Variants in TMCO1 observed in about 807,000 individuals in gnomAD.
The protein encoded by TMCO1 is calcium load-activated calcium channel.
In TMCO1, 29 loss-of-function variants were observed where a neutral mutation model predicts 29.3. The observed-to-expected ratio is 0.99, with a 90% CI of 0.74 to 1.35. The LOEUF (loss-of-function observed/expected upper bound fraction) is 1.35. TMCO1 is among the 40% of genes most tolerant of loss of function. TMCO1 has a pLI of 0.00. For missense variants in TMCO1, 173 were observed against 225.5 expected (o/e 0.77, Z 1.49); for synonymous variants, 80 against 77.1 (o/e 1.04, Z -0.20).
At chr1:165,748,880 TG>T (rs2101803755) in intron 5 of TMCO1, among the ~76,000 whole-genome samples, 1 of 152,338 alleles carries the variant, frequency 6.6e-6, no homozygotes, top group South Asian at 2.1e-4. Context: ...TGGCAACCAT[TG>T]ATCTTTTTAC....
At chr1:165,759,810 A>T (rs1170153580) in intron 2 of TMCO1, among the ~76,000 whole-genome samples, 1 of 152,188 alleles carries the variant, frequency 6.6e-6, no homozygotes, top group Non-Finnish European at 1.5e-5. Context: ...TTAATCAAAT[A>T]CCCATAAAGA....
chr1:165,745,263 T>G (rs1571219594), intron 5 of TMCO1, among the ~76,000 whole-genome samples: 1 of 149,446 alleles, frequency 6.7e-6, no homozygotes. Context: ...CTTCAAGTGA[T>G]CCTCCTGCCT....
intron 3 of TMCO1, 32 bp downstream of exon 3, chr1:165,759,493 C>A: frequency 6.4e-7 from 1 of 1,554,198 alleles, no homozygotes. Context: ...TAAGAAAACC[C>A]AAATTTCATT....
intron 6 of TMCO1, among the ~76,000 whole-genome samples, chr1:165,740,637 A>G (rs1368436389): frequency 1.3e-5 from 2 of 152,224 alleles, no homozygotes; most frequent in African/African-American, 4.8e-5. Flanking sequence ...TGTTGTCATT[A>G]CCTTAGCTTT....
chr1:165,753,119 G>A (rs1469376981), intron 4 of TMCO1, among the ~76,000 whole-genome samples: 1 of 152,114 alleles, frequency 6.6e-6, no homozygotes, highest in Non-Finnish European at 1.5e-5. Flanking sequence ...GAAATTGGTA[G>A]TGAAATCAGT....
At chr1:165,739,011 A>C (rs898228792) in intron 6 of TMCO1, among the ~76,000 whole-genome samples, 2 of 152,168 alleles carry the variant, frequency 1.3e-5, no homozygotes, top group Admixed American at 1.3e-4. Flanking sequence ...CTCACTAGAC[A>C]CTGAATTTGC....
At chr1:165,725,265 T>G, downstream of TMCO1, 1 of 453,904 alleles carries the variant, frequency 2.2e-6, no homozygotes, top group Non-Finnish European at 4.4e-6. Flanking sequence ...TGTGGCAAAA[T>G]GCTTTTGTTT....
At chr1:165,748,449 A>C (rs1465067227) in intron 5 of TMCO1, among the ~76,000 whole-genome samples, 4 of 152,174 alleles carry the variant, frequency 2.6e-5, no homozygotes, top group African/African-American at 9.7e-5. Context: ...GGGATGAATG[A>C]ATGACTACAC....
intron 6 of TMCO1, among the ~76,000 whole-genome samples, chr1:165,742,268 C>T (rs1360765948): frequency 2.0e-5 from 3 of 147,336 alleles, no homozygotes; most frequent in African/African-American, 7.5e-5. Flanking sequence ...GGCTCCCCCC[C>T]TTTTCTTTTT....
intron 6 of TMCO1, among the ~76,000 whole-genome samples, chr1:165,742,713 T>A (rs1359295333): frequency 6.6e-6 from 1 of 152,242 alleles, no homozygotes; most frequent in Non-Finnish European, 1.5e-5. Context: ...TCACTACGAA[T>A]GTCAAATCAC....
At chr1:165,761,563 A>G (rs548256104) in intron 2 of TMCO1, among the ~76,000 whole-genome samples, 9 of 152,092 alleles carry the variant, frequency 5.9e-5, no homozygotes, top group African/African-American at 2.2e-4. Context: ...CATCATGTAC[A>G]TGGAAAGAGA....
chr1:165,738,932 T>C lies in TMCO1; in HGVS notation c.468+4235A>G, dbSNP rs1296293687. 5.3e-5 allele frequency among the ~76,000 whole-genome samples: 8 copies of C among 152,332 alleles called. No homozygotes were observed. In the East Asian group the frequency reaches 5.8e-4, roughly 11 times the overall value. ...TAGCTATGCAATACTATAGTCCTTA[T>C]AGACTTTTTTTCTCATGCGTGTCAT... On this transcript the variant is annotated intron_variant, in intron 6 of 6. Coordinates refer to ENST00000367881, the MANE Select transcript of TMCO1 (RefSeq NM_019026.6).
chr1:165,758,353 C>G (rs1383120395), intron 3 of TMCO1, among the ~76,000 whole-genome samples: 1 of 152,040 alleles, frequency 6.6e-6, no homozygotes, highest in East Asian at 1.9e-4. Context: ...GTCAGGAGTT[C>G]GAGACCAGCC....
intron 5 of TMCO1, among the ~76,000 whole-genome samples, chr1:165,745,400 G>A (rs1651759169): frequency 6.7e-6 from 1 of 148,868 alleles, no homozygotes; most frequent in Admixed American, 6.7e-5. Context: ...ACTTTGAGAG[G>A]CCGAGGCAGG....
At chr1:165,751,823 C>G (rs140378105) in intron 5 of TMCO1, among the ~76,000 whole-genome samples, 20 of 151,766 alleles carry the variant, frequency 1.3e-4, no homozygotes, top group African/African-American at 4.6e-4. Flanking sequence ...ACGGGGCATA[C>G]AGCCTACAAC....
chr1:165,751,435 G>A (rs1428026743), intron 5 of TMCO1, among the ~76,000 whole-genome samples: 1 of 152,066 alleles, frequency 6.6e-6, no homozygotes, highest in Non-Finnish European at 1.5e-5. Flanking sequence ...TGGGCGTGGT[G>A]GCTCACGCCT....
intron 2 of TMCO1, among the ~76,000 whole-genome samples, chr1:165,763,592 G>A (rs1461188345): frequency 1.3e-5 from 2 of 152,134 alleles, no homozygotes; most frequent in Non-Finnish European, 2.9e-5. Flanking sequence ...TGCAACTACA[G>A]ATGTGTAAAC....
chr1:165,725,332 C>T (rs1355106084), downstream of TMCO1: 1 of 453,704 alleles, frequency 2.2e-6, no homozygotes, highest in Admixed American at 2.4e-5. Context: ...AGTAACTGGC[C>T]CCATTGGAGA....
intron 4 of TMCO1, among the ~76,000 whole-genome samples, chr1:165,753,439 C>T (rs1478623072): frequency 1.4e-5 from 2 of 142,982 alleles, no homozygotes; most frequent in African/African-American, 5.2e-5. Context: ...AGCCACTGCA[C>T]TCCAACCTTG....
Sources: gnomAD v4.1 joint callset for allele counts (sites outside exome capture counted in the v4.1 genomes callset) on GRCh38, gnomAD v4.1.1 for gene constraint, MANE v1.5 for transcripts, NCBI Gene and HGNC (gene_info 2026-07-23, HGNC 2026-07-21) for gene names.